Variants in CIB2 observed in about 807,000 individuals in gnomAD.
The protein encoded by CIB2 is calcium and integrin-binding family member 2.
In CIB2, 19 loss-of-function variants were observed where a neutral mutation model predicts 23.1. That is an observed-to-expected ratio of 0.82 (90% CI 0.57 to 1.21). The LOEUF is 1.21. Ranked by LOEUF, CIB2 falls within the 50% of genes most tolerant of loss-of-function variation. CIB2 has a pLI of 0.00. For missense variants in CIB2, 220 were observed against 241.5 expected (o/e 0.91, Z 0.59); for synonymous variants, 94 against 91.7 (o/e 1.03, Z -0.14).
At chr15:78,106,611 A>G (rs2074074481) in intron 4 of CIB2, among the ~76,000 whole-genome samples, 1 of 152,200 alleles carries the variant, frequency 6.6e-6, no homozygotes, top group South Asian at 2.1e-4. Context: ...ATGCCTGGCC[A>G]CATCAAAGTG....
Position 78,123,714 on chromosome 15 carries a change from T to G in CIB2, c.77A>C (p.Asp26Ala). ...GAGAAGCCACACTTACTTGAGGATG[T>G]CCTTCTTATTGAAGAAGGTGCAGTC... ...YQDCTFFNKKDILKLHSRFYE... is the reference protein window; with the variant it reads ...YQDCTFFNKKAILKLHSRFYE... Residue 26 changes from aspartate to alanine, a missense_variant, in exon 2 of 6, where the codon GAC becomes GCC. By Grantham distance (126) the Asp-to-Ala change is moderately radical (BLOSUM62 -2). Transcript: ENST00000258930. 2 of 1,614,094 alleles carry G rather than the reference T, an allele frequency of 1.2e-6. No homozygotes were observed. The highest frequency in any genetic ancestry group is 1.7e-6 in the Non-Finnish European group (2 of 1,179,962).
chr15:78,112,803 A>G (rs1054562368), intron 2 of CIB2, among the ~76,000 whole-genome samples: 3 of 152,108 alleles, frequency 2.0e-5, no homozygotes, highest in Non-Finnish European at 4.4e-5. Flanking sequence ...GCCCACCTTT[A>G]TCAAGCCATT....
At chr15:78,114,604 A>C (rs1360393761) in intron 2 of CIB2, among the ~76,000 whole-genome samples, 1 of 152,160 alleles carries the variant, frequency 6.6e-6, no homozygotes, top group Non-Finnish European at 1.5e-5. Flanking sequence ...AGAATGGACC[A>C]ATGGCACTTG....
Position 78,120,560 on chromosome 15 carries a change from G to A in CIB2, c.86+3145C>T, listed in dbSNP as rs1030451900. ...GGCACAAGGGAAGTTGAAGTGCTAA[G>A]CTCTTACCTATAAAAAGCAAGGTGA... On this transcript the variant is annotated intron_variant, in intron 2 of 5. Coordinates refer to ENST00000258930, the MANE Select transcript of CIB2 (RefSeq NM_006383.4). The A allele has an allele frequency of 6.1e-6, 6 of 985,252 alleles. No individual in the cohort carries two copies. The African/African-American group carries it at 8.7e-5, about 14-fold the overall frequency. The allele number at this position is 985,252 out of a possible 1,614,324, so 61.0% of individuals were successfully genotyped here.
At position 78,131,199 on chromosome 15, in the gene CIB2, G is replaced by T. The variant is rs778544125; in HGVS notation, c.17C>A (p.Thr6Asn). The T allele has an allele frequency of 6.9e-6, 11 of 1,585,486 alleles. No homozygotes were observed. The highest frequency in any genetic ancestry group is 1.1e-5 in the South Asian group (1 of 88,704). MGNKQ[T>N]IFTEEQLDNY... Reference sequence around the variant, plus strand: ...GTCTAGCTGCTCTTCGGTGAAGATGGTCTGCTTGTTCCCCATGGTGGCCGC... The same window carrying T: ...GTCTAGCTGCTCTTCGGTGAAGATGTTCTGCTTGTTCCCCATGGTGGCCGC... Residue 6 changes from threonine to asparagine, a missense_variant, in exon 1 of 6, where the codon ACC becomes AAC. By Grantham distance (65) the Thr-to-Asn change is moderately conservative (BLOSUM62 0). Transcript: ENST00000258930. The surrounding 1 kb of genome is among the most constrained non-coding windows in gnomAD (Gnocchi z 5.8).
intron 4 of CIB2, among the ~76,000 whole-genome samples, chr15:78,106,421 C>T (rs1458741751): frequency 6.6e-6 from 1 of 152,190 alleles, no homozygotes; most frequent in East Asian, 1.9e-4. Context: ...CACCCCGTTG[C>T]CTCAGTGGTG....
At chr15:78,120,455 G>T in intron 2 of CIB2, 1 of 679,008 alleles carries the variant, frequency 1.5e-6, no homozygotes, top group Non-Finnish European at 1.8e-6. Flanking sequence ...ATACCTTGGA[G>T]TGCTGGCTGG....
At chr15:78,116,487 G>C (rs1023097828) in intron 2 of CIB2, among the ~76,000 whole-genome samples, 4 of 151,724 alleles carry the variant, frequency 2.6e-5, no homozygotes, top group African/African-American at 4.8e-5. Flanking sequence ...AAATTATACA[G>C]AAGGATGTGC....
intron 1 of CIB2, among the ~76,000 whole-genome samples, chr15:78,127,458 G>C (rs1397183218): frequency 6.6e-6 from 1 of 152,192 alleles, no homozygotes; most frequent in Non-Finnish European, 1.5e-5. Context: ...AACATTGGCA[G>C]CAGAAAACAG....
chr15:78,109,145 T>C (rs1478441571), intron 4 of CIB2, 90 bp downstream of exon 4: 12 of 1,449,430 alleles, frequency 8.3e-6, no homozygotes, highest in Non-Finnish European at 1.0e-5. Flanking sequence ...TTGGTGTCCC[T>C]AGGGCAGGAG....
At chr15:78,116,505 A>G (rs2074243587) in intron 2 of CIB2, among the ~76,000 whole-genome samples, 1 of 151,874 alleles carries the variant, frequency 6.6e-6, no homozygotes, top group Non-Finnish European at 1.5e-5. Context: ...TGCAAAGTGG[A>G]TAAGGTTATA....
At chr15:78,117,870 C>T (rs932934996) in intron 2 of CIB2, among the ~76,000 whole-genome samples, 1 of 152,146 alleles carries the variant, frequency 6.6e-6, no homozygotes, top group Non-Finnish European at 1.5e-5. Context: ...AAGCATATAA[C>T]AGCAGTGGGA....
At chr15:78,105,450 C>A (rs757296993) in intron 5 of CIB2, 118 bp from the exon 6 acceptor site, 6 of 1,565,148 alleles carry the variant, frequency 3.8e-6, no homozygotes, top group Admixed American at 1.9e-5. Context: ...CATTAGGGAA[C>A]CCTGCATAGT....
intron 4 of CIB2, among the ~76,000 whole-genome samples, chr15:78,108,398 T>C (rs2074102534): frequency 6.6e-6 from 1 of 152,056 alleles, no homozygotes; most frequent in Non-Finnish European, 1.5e-5. Context: ...TATCTGAGGA[T>C]TTGACACCAG....
At chr15:78,108,120 C>T (rs1209975494) in intron 4 of CIB2, among the ~76,000 whole-genome samples, 1 of 149,878 alleles carries the variant, frequency 6.7e-6, no homozygotes, top group Non-Finnish European at 1.5e-5. Context: ...AAGAGAATCG[C>T]TTGAACCCGG....
At chr15:78,119,203 T>C (rs1404542347) in intron 2 of CIB2, among the ~76,000 whole-genome samples, 2 of 152,180 alleles carry the variant, frequency 1.3e-5, no homozygotes, top group Non-Finnish European at 2.9e-5. Context: ...TATATGTCAT[T>C]TTGTGACTGC....
chr15:78,127,141 C>T (rs759814928), intron 1 of CIB2, among the ~76,000 whole-genome samples: 2 of 152,150 alleles, frequency 1.3e-5, no homozygotes, highest in Non-Finnish European at 2.9e-5. Context: ...AGTACAACAG[C>T]TCCATCCACC....
chr15:78,128,581 G>A (rs1034449999), intron 1 of CIB2, among the ~76,000 whole-genome samples: 4 of 152,120 alleles, frequency 2.6e-5, no homozygotes, highest in African/African-American at 9.7e-5. Context: ...GGAGGCTGAG[G>A]CAGGGAAAAT....
chr15:78,110,008 G>A (rs543381589), intron 3 of CIB2, among the ~76,000 whole-genome samples: 5 of 152,180 alleles, frequency 3.3e-5, no homozygotes, highest in South Asian at 2.1e-4. Context: ...AGCTCAGGCC[G>A]TGTCAGGCCA....
Sources: allele counts gnomAD v4.1 joint callset (sites outside exome capture counted in the v4.1 genomes callset), GRCh38; gene constraint gnomAD v4.1.1; non-coding constraint Gnocchi (gnomAD v3.1); transcripts MANE v1.5; gene names NCBI Gene and HGNC (gene_info 2026-07-23, HGNC 2026-07-21).